Variants in UBE4B observed in about 807,000 individuals in gnomAD.
The protein encoded by UBE4B is ubiquitination factor E4B.
UBE4B carries 27 observed loss-of-function variants against 148.1 expected under a neutral mutation model. The observed-to-expected ratio is 0.18, with a 90% confidence interval of 0.13 to 0.25. The LOEUF (loss-of-function observed/expected upper bound fraction) is 0.25. Among genes scored for constraint, UBE4B ranks in the 10% least tolerant of loss-of-function variants. UBE4B has a pLI of 1.00. For synonymous variants in UBE4B, 596 were observed against 619.3 expected, an observed-to-expected ratio of 0.96 and a Z score of 0.56; for missense variants, 1,170 against 1,662.4, an observed-to-expected ratio of 0.70 and a Z score of 5.15.
rs185128283 is a variant in UBE4B at position 10,150,662 on chromosome 1, C to A, written c.2691-664C>A. Among the ~76,000 whole-genome samples the A allele has an allele frequency of 1.1e-4, 16 of 152,006 alleles. No homozygotes were observed. In the East Asian group the frequency reaches 2.9e-3, roughly 28 times the overall value. On this transcript the variant is annotated intron_variant, in intron 20 of 27. Transcript: ENST00000343090. ...AAATCACGAGGTCAAAAGATCAAGACCATCCTGGCCAACATGGTGAAACCC... is the reference window on the plus strand; with the variant it reads ...AAATCACGAGGTCAAAAGATCAAGAACATCCTGGCCAACATGGTGAAACCC...
chr1:10,060,982 A>G (rs1644274275), intron 1 of UBE4B, among the ~76,000 whole-genome samples: 1 of 151,898 alleles, frequency 6.6e-6, no homozygotes, highest in South Asian at 2.1e-4. Context: ...CTGGCCTCAA[A>G]TGATCCTCCC....
intron 22 of UBE4B, among the ~76,000 whole-genome samples, chr1:10,158,734 C>T (rs889716419): frequency 4.6e-5 from 7 of 152,154 alleles, no homozygotes; most frequent in African/African-American, 7.2e-5. Flanking sequence ...TAGGGCAGGG[C>T]GTGGTGGCTC....
intron 20 of UBE4B, among the ~76,000 whole-genome samples, 158 bp downstream of exon 20, chr1:10,149,440 T>C (rs1645935136): frequency 6.6e-6 from 1 of 152,190 alleles, no homozygotes; most frequent in Non-Finnish European, 1.5e-5. Flanking sequence ...AATCCAACTG[T>C]GGCATCAGTC....
chr1:10,171,813 A>C (rs748873159), intron 25 of UBE4B, among the ~76,000 whole-genome samples: 8 of 152,210 alleles, frequency 5.3e-5, no homozygotes, highest in Middle Eastern at 3.4e-3. Flanking sequence ...CCCAGGAGGC[A>C]GAGGTTTCAG....
chr1:10,076,364 C>G (rs921482485), intron 2 of UBE4B, among the ~76,000 whole-genome samples: 4 of 151,746 alleles, frequency 2.6e-5, no homozygotes, highest in African/African-American at 9.7e-5. Context: ...CCTGCCTCAG[C>G]CTCCTAAGTA....
chr1:10,064,815 G>A (rs1268815246), intron 1 of UBE4B, among the ~76,000 whole-genome samples: 1 of 150,990 alleles, frequency 6.6e-6, no homozygotes, highest in East Asian at 1.9e-4. Context: ...CCAGGCTGGA[G>A]TGCAATGGTG....
chr1:10,067,728 TTTG>T (rs547605958), intron 1 of UBE4B, among the ~76,000 whole-genome samples: 4 of 151,736 alleles, frequency 2.6e-5, no homozygotes, highest in Non-Finnish European at 2.9e-5. Flanking sequence ...CATCTCAGTA[TTTG>T]TTGTTGTTGT....
chr1:10,084,935 G>A (rs1462991999), intron 2 of UBE4B, among the ~76,000 whole-genome samples: 3 of 151,710 alleles, frequency 2.0e-5, no homozygotes, highest in African/African-American at 7.3e-5. Flanking sequence ...GACTCCTGGG[G>A]CCTAGCGATC....
intron 20 of UBE4B, 107 bp from the exon 21 acceptor site, chr1:10,151,219 C>A: frequency 1.0e-6 from 1 of 998,572 alleles, no homozygotes; most frequent in Non-Finnish European, 1.5e-6. Context: ...CCCAAACCTA[C>A]TTATCCTGCC....
chr1:10,146,491 A>AT (rs1645875288), intron 18 of UBE4B, among the ~76,000 whole-genome samples: 1 of 152,186 alleles, frequency 6.6e-6, no homozygotes, highest in African/African-American at 2.4e-5. Context: ...GCTTAAATGT[A>AT]TACATCAGTG....
chr1:10,098,993 T>A (rs1045722460), intron 3 of UBE4B, among the ~76,000 whole-genome samples: 11 of 152,114 alleles, frequency 7.2e-5, no homozygotes, highest in Non-Finnish European at 1.5e-4. Flanking sequence ...ATCCCAGCAC[T>A]TTTGGGAGGC....
intron 17 of UBE4B, 143 bp from the exon 18 acceptor site, chr1:10,144,797 G>T: frequency 1.9e-6 from 1 of 517,310 alleles, no homozygotes; most frequent in Non-Finnish European, 3.4e-6. Flanking sequence ...ATTTGCCGCT[G>T]GTTGTAAGAT....
At chr1:10,147,877 C>T (rs1017180537) in intron 19 of UBE4B, among the ~76,000 whole-genome samples, 3 of 152,196 alleles carry the variant, frequency 2.0e-5, no homozygotes, top group African/African-American at 4.8e-5. Context: ...GTCTCTGGTT[C>T]ACTGATGTTG....
intron 8 of UBE4B, among the ~76,000 whole-genome samples, chr1:10,117,874 AC>A (rs1645339794): frequency 6.6e-6 from 1 of 152,196 alleles, no homozygotes; most frequent in South Asian, 2.1e-4. Context: ...GTAGCTCGGT[AC>A]CGCCAGTGAC....
At chr1:10,126,118 G>C (rs752341110) in intron 10 of UBE4B, among the ~76,000 whole-genome samples, 7 of 152,152 alleles carry the variant, frequency 4.6e-5, no homozygotes, top group Non-Finnish European at 1.0e-4. Context: ...GGCCAACAAA[G>C]TGAAACCCCG....
intron 1 of UBE4B, among the ~76,000 whole-genome samples, chr1:10,038,553 AT>A (rs1162466044): frequency 6.6e-6 from 1 of 152,170 alleles, no homozygotes; most frequent in East Asian, 1.9e-4. Context: ...CTTAGAAGTG[AT>A]GGGGTTGGAA....
intron 22 of UBE4B, among the ~76,000 whole-genome samples, chr1:10,158,997 G>A (rs1437276103): frequency 1.4e-5 from 2 of 144,466 alleles, no homozygotes; most frequent in Non-Finnish European, 3.0e-5. Context: ...GTGACAGAGC[G>A]AGACTCCGTC....
Position 10,043,621 on chromosome 1 carries a change from G to C in UBE4B, c.24+9927G>C, listed in dbSNP as rs564484890. On this transcript the variant is annotated intron_variant, in intron 1 of 27. Transcript: ENST00000343090. ...TTTTTTGTATTTTTAGTAGAGACGG[G>C]GTTTCACCGTGTTAGCCAGGATGGT... 1.5e-3 allele frequency among the ~76,000 whole-genome samples: 234 copies of C among 151,342 alleles called. 1 individual carries two copies. The highest frequency in any genetic ancestry group is 4.7e-3 in the African/African-American group (196 of 41,282).
chr1:10,146,826 A>C, intron 18 of UBE4B, 137 bp from the exon 19 acceptor site: 1 of 1,056,624 alleles, frequency 9.5e-7, no homozygotes, highest in East Asian at 2.5e-5. Context: ...CCAGCATCTT[A>C]TAGCTAGTTA....
Sources: allele counts gnomAD v4.1 joint callset (sites outside exome capture counted in the v4.1 genomes callset), GRCh38; gene constraint gnomAD v4.1.1; transcripts MANE v1.5; gene names NCBI Gene and HGNC (gene_info 2026-07-23, HGNC 2026-07-21).